The following UBXN2B variants were observed in gnomAD, a reference collection of about 807,000 sequenced individuals.
UBXN2B encodes UBX domain-containing protein 2B.
A neutral mutation model predicts 37.5 loss-of-function variants in UBXN2B; 19 were observed. That is an observed-to-expected ratio of 0.51 (90% CI 0.35 to 0.74). The LOEUF is 0.74. UBXN2B is among the 30% of genes least tolerant of loss of function. UBXN2B has a pLI of 0.01. For missense variants in UBXN2B, 370 were observed against 393.2 expected, an observed-to-expected ratio of 0.94 and a Z score of 0.50; for synonymous variants, 145 against 143.8, an observed-to-expected ratio of 1.01 and a Z score of -0.06.
chr8:58,435,967 T>C (rs1808402351), intron 5 of UBXN2B, among the ~76,000 whole-genome samples: 1 of 152,150 alleles, frequency 6.6e-6, no homozygotes, highest in Admixed American at 6.5e-5. Context: ...ATGTACATGA[T>C]TCTCCAAAAG....
At chr8:58,442,667 A>G (rs1302584394) in intron 6 of UBXN2B, among the ~76,000 whole-genome samples, 1 of 152,258 alleles carries the variant, frequency 6.6e-6, no homozygotes, top group Non-Finnish European at 1.5e-5. Context: ...CAAATTTGCA[A>G]TGGTAGAACA....
At chr8:58,442,326 G>T (rs1389497175) in intron 6 of UBXN2B, among the ~76,000 whole-genome samples, 2 of 152,100 alleles carry the variant, frequency 1.3e-5, no homozygotes, top group Non-Finnish European at 2.9e-5. Flanking sequence ...GAATTACATA[G>T]AACATTTTAT....
intron 2 of UBXN2B, among the ~76,000 whole-genome samples, chr8:58,418,241 CAAAA>C (rs56073006): frequency 9.2e-6 from 1 of 109,110 alleles, no homozygotes. Context: ...ACTCTGTCTC[CAAAA>C]AAAAAAAAAA....
intron 2 of UBXN2B, among the ~76,000 whole-genome samples, chr8:58,419,470 G>T (rs1807869442): frequency 6.6e-6 from 1 of 152,162 alleles, no homozygotes; most frequent in African/African-American, 2.4e-5. Context: ...TTTACAAGAG[G>T]AGTTACGTAA....
chr8:58,447,368 A>T, intron 7 of UBXN2B, 21 bp from the exon 8 acceptor site: 1 of 1,528,906 alleles, frequency 6.5e-7, no homozygotes, highest in Non-Finnish European at 8.8e-7. Context: ...ATTACAAATT[A>T]TTTTTGTCTT....
intron 4 of UBXN2B, among the ~76,000 whole-genome samples, chr8:58,434,103 T>A (rs1808351895): frequency 1.3e-5 from 2 of 152,064 alleles, no homozygotes; most frequent in Non-Finnish European, 2.9e-5. Context: ...TTGTGAACCA[T>A]CCACCAATAA....
chr8:58,424,647 C>T (rs1585601420), intron 2 of UBXN2B: 2 of 1,236,864 alleles, frequency 1.6e-6, no homozygotes, highest in Non-Finnish European at 1.2e-6. Flanking sequence ...CTAGCACTGT[C>T]TGCTCTCATT....
At chr8:58,447,227 A>G (rs1360846757) in intron 7 of UBXN2B, among the ~76,000 whole-genome samples, 162 bp from the exon 8 acceptor site, 1 of 152,254 alleles carries the variant, frequency 6.6e-6, no homozygotes, top group Non-Finnish European at 1.5e-5. Flanking sequence ...TTTTAACTGA[A>G]GCCTAAGATA....
chr8:58,442,892 C>T (rs1808583543), intron 6 of UBXN2B, among the ~76,000 whole-genome samples: 1 of 152,196 alleles, frequency 6.6e-6, no homozygotes, highest in Non-Finnish European at 1.5e-5. Context: ...AAAGATTGTG[C>T]TTGCCACTCT....
chr8:58,418,462 T>C (rs1563456659), intron 2 of UBXN2B, among the ~76,000 whole-genome samples: 1 of 152,210 alleles, frequency 6.6e-6, no homozygotes, highest in Non-Finnish European at 1.5e-5. Flanking sequence ...CTAAAATTTA[T>C]TATGTTGACT....
chr8:58,434,782 T>G, intron 5 of UBXN2B: 1 of 1,525,490 alleles, frequency 6.6e-7, no homozygotes, highest in Non-Finnish European at 8.8e-7. Flanking sequence ...AAGAAACATC[T>G]TAATGTGATA....
chr8:58,420,422 A>T (rs1807895640), intron 2 of UBXN2B, among the ~76,000 whole-genome samples: 1 of 152,212 alleles, frequency 6.6e-6, no homozygotes, highest in South Asian at 2.1e-4. Context: ...CTCTTGAAAC[A>T]CTAAATGTAT....
At position 58,429,574 on chromosome 8, in the gene UBXN2B, T is replaced by A. The variant is rs574987277; in HGVS notation, c.189-945T>A. ...CCATCCTGATGGATCTTTTCCTTCC[T>A]TTACTGCAAAGTGAGAGCTGGTCTG... On this transcript the variant is annotated intron_variant, in intron 2 of 7. Coordinates refer to ENST00000399598, the MANE Select transcript of UBXN2B (RefSeq NM_001077619.2). 1.2e-4 allele frequency among the ~76,000 whole-genome samples: 18 copies of A among 152,248 alleles called. No homozygotes were observed. In the East Asian group the frequency reaches 2.5e-3, roughly 21 times the overall value.
intron 7 of UBXN2B, among the ~76,000 whole-genome samples, chr8:58,446,770 A>G (rs1248888175): frequency 1.3e-4 from 11 of 87,030 alleles, no homozygotes; most frequent in African/African-American, 4.3e-4. Context: ...CGAAAAAAGT[A>G]CAACCTGCAT....
chr8:58,417,926 T>G (rs1219041680), intron 2 of UBXN2B, among the ~76,000 whole-genome samples: 1 of 152,070 alleles, frequency 6.6e-6, no homozygotes, highest in Admixed American at 6.6e-5. Flanking sequence ...CTTGCAAAAT[T>G]GATAACACCT....
At chr8:58,414,339 A>C (rs1011345251) in intron 1 of UBXN2B, among the ~76,000 whole-genome samples, 1 of 152,194 alleles carries the variant, frequency 6.6e-6, no homozygotes, top group African/African-American at 2.4e-5. Flanking sequence ...CTGTATAATA[A>C]TCATTTATTA....
intron 2 of UBXN2B, among the ~76,000 whole-genome samples, chr8:58,418,753 A>G (rs985406200): frequency 2.0e-5 from 3 of 152,156 alleles, no homozygotes; most frequent in Non-Finnish European, 4.4e-5. Flanking sequence ...TGAACATCCT[A>G]TTCTTTCATT....
rs1808775568 is a variant in UBXN2B at position 58,450,348 on chromosome 8, T to C, written c.*2797T>C. The C allele has an allele frequency of 6.6e-6, 1 of 152,184 alleles. No homozygotes were observed. Among genetic ancestry groups the C allele is most frequent in the Non-Finnish European group, 1.5e-5 (1 of 68,036 alleles). The allele number at this position is 152,184 out of a possible 1,614,324, so 9.4% of individuals were successfully genotyped here. On this transcript the variant is annotated 3_prime_UTR_variant, in exon 8 of 8. Coordinates refer to ENST00000399598, the MANE Select transcript of UBXN2B (RefSeq NM_001077619.2). ...AAATATCCTCAGCTAAATATTGAAG[T>C]CATCACTTAAAAGTTCTGCTTTACA... is the stretch of plus-strand genomic sequence containing the variant.
At chr8:58,415,805 G>A (rs1370810729) in intron 1 of UBXN2B, among the ~76,000 whole-genome samples, 2 of 152,040 alleles carry the variant, frequency 1.3e-5, no homozygotes, top group Admixed American at 1.3e-4. Context: ...TTCTAGCAAA[G>A]TTGCCATTGT....
Sources: gnomAD v4.1 joint callset for allele counts (sites outside exome capture counted in the v4.1 genomes callset) on GRCh38, gnomAD v4.1.1 for gene constraint, MANE v1.5 for transcripts, NCBI Gene and HGNC (gene_info 2026-07-23, HGNC 2026-07-21) for gene names.